Variants in SMCO2 observed in about 807,000 individuals in gnomAD.
SMCO2 encodes the protein single-pass membrane protein with coiled-coil domains 2, also known as single-pass membrane and coiled-coil domain-containing protein 2.
Under a neutral mutation model 29.5 loss-of-function variants are expected in SMCO2, and 25 were observed. The ratio of observed to expected loss-of-function variants is 0.85; its 90% CI spans 0.62 to 1.18. The LOEUF (loss-of-function observed/expected upper bound fraction) is 1.18, where lower values mean the gene tolerates loss of function less well. Ranked by LOEUF, SMCO2 falls within the 50% of genes most tolerant of loss-of-function variation. The probability of loss-of-function intolerance (pLI) is 0.00; values close to 1 mark genes in which losing one functional copy is unlikely to be tolerated. For synonymous variants in SMCO2, 117 were observed against 123.3 expected, an observed-to-expected ratio of 0.95 and a Z score of 0.34; for missense variants, 348 against 344.5, an observed-to-expected ratio of 1.01 and a Z score of -0.08.
chr12:27,425,289 G>A, the SMCO2 span: 2 of 151,236 alleles, frequency 1.3e-5, no homozygotes, highest in African/African-American at 4.9e-5. Context: ...TCCAAAAAGT[G>A]CTCCCTTAAC....
intron 7 of SMCO2, among the ~76,000 whole-genome samples, chr12:27,501,366 G>A (rs1943073072): frequency 7.1e-6 from 1 of 141,424 alleles, no homozygotes; most frequent in Non-Finnish European, 1.5e-5. Flanking sequence ...CAGTGAGCCG[G>A]GATAGCGCCA....
chr12:27,457,472 T>C, the SMCO2 span, among the ~76,000 whole-genome samples: 2 of 152,222 alleles, frequency 1.3e-5, no homozygotes, highest in Non-Finnish European at 1.5e-5. Flanking sequence ...ACGTGGTTGG[T>C]ATCATTACAT....
At chr12:27,454,683 G>A in the SMCO2 span, among the ~76,000 whole-genome samples, 3 of 152,106 alleles carry the variant, frequency 2.0e-5, no homozygotes, top group South Asian at 2.1e-4. Context: ...CCATCAACCC[G>A]TCATCTACAT....
chr12:27,485,586 G>GCA (rs1414990262), intron 4 of SMCO2, among the ~76,000 whole-genome samples: 1 of 151,600 alleles, frequency 6.6e-6, no homozygotes, highest in Non-Finnish European at 1.5e-5. Context: ...GGGATTATAG[G>GCA]CACGTGCCAC....
the SMCO2 span, among the ~76,000 whole-genome samples, chr12:27,439,299 C>A: frequency 6.6e-6 from 1 of 152,326 alleles, no homozygotes; most frequent in African/African-American, 2.4e-5. Flanking sequence ...GGGATAATCC[C>A]TTTGGGACCT....
chr12:27,436,580 G>A, the SMCO2 span, among the ~76,000 whole-genome samples: 1 of 152,106 alleles, frequency 6.6e-6, no homozygotes, highest in Non-Finnish European at 1.5e-5. Context: ...AAAGACTGAG[G>A]GAGGTCAGGG....
At chr12:27,452,394 C>T in the SMCO2 span, among the ~76,000 whole-genome samples, 1 of 152,172 alleles carries the variant, frequency 6.6e-6, no homozygotes, top group Non-Finnish European at 1.5e-5. Context: ...CCACATTCTA[C>T]CACATTTTAA....
At chr12:27,436,007 A>C in the SMCO2 span, among the ~76,000 whole-genome samples, 1 of 152,238 alleles carries the variant, frequency 6.6e-6, no homozygotes, top group African/African-American at 2.4e-5. Context: ...AGATACTCTC[A>C]GATTCAGTAT....
the SMCO2 span, among the ~76,000 whole-genome samples, chr12:27,450,324 G>C: frequency 6.6e-6 from 1 of 151,772 alleles, no homozygotes; most frequent in Non-Finnish European, 1.5e-5. Context: ...CACCAACTAG[G>C]CTGGGCTGCC....
chr12:27,435,723 C>G, the SMCO2 span, among the ~76,000 whole-genome samples: 2 of 152,152 alleles, frequency 1.3e-5, no homozygotes, highest in African/African-American at 4.8e-5. Context: ...ATTCCCACCT[C>G]TGGGTCAGTT....
At chr12:27,462,766 A>G, upstream of SMCO2, among the ~76,000 whole-genome samples, 1 of 152,082 alleles carries the variant, frequency 6.6e-6, no homozygotes, top group East Asian at 1.9e-4. Context: ...AATATTACAA[A>G]CCCCTCCAGG....
intron 4 of SMCO2, among the ~76,000 whole-genome samples, chr12:27,478,490 G>A (rs1949610274): frequency 1.3e-5 from 2 of 152,210 alleles, no homozygotes; most frequent in Non-Finnish European, 2.9e-5. Flanking sequence ...AGTGGCAATA[G>A]TAGCAGCAGG....
chr12:27,429,364 A>G, the SMCO2 span, among the ~76,000 whole-genome samples: 3 of 152,006 alleles, frequency 2.0e-5, no homozygotes, highest in African/African-American at 7.2e-5. Flanking sequence ...TTATATTCTA[A>G]TGACTTTTTT....
At chr12:27,488,363 A>G (rs1458565138) in intron 4 of SMCO2, 97 bp from the exon 6 acceptor site, 3 of 750,082 alleles carry the variant, frequency 4.0e-6, no homozygotes, top group Non-Finnish European at 5.9e-6. Flanking sequence ...ATCCTTTTAT[A>G]TGGGAATGGT....
the SMCO2 span, among the ~76,000 whole-genome samples, chr12:27,445,943 G>A: frequency 2.2e-3 from 322 of 149,110 alleles, no homozygotes; most frequent in African/African-American, 7.5e-3. Context: ...TTGCTCTGTC[G>A]CCCAGTCTGG....
chr12:27,464,529 T>C (rs550097896), upstream of SMCO2, among the ~76,000 whole-genome samples: 2 of 151,492 alleles, frequency 1.3e-5, no homozygotes, highest in Admixed American at 6.6e-5. Flanking sequence ...GGCAACATGG[T>C]GAGAACCTGT....
At chr12:27,436,367 G>T in the SMCO2 span, among the ~76,000 whole-genome samples, 2 of 152,168 alleles carry the variant, frequency 1.3e-5, no homozygotes, top group South Asian at 2.1e-4. Context: ...AATGGAAAGT[G>T]TAGGGGATGG....
the SMCO2 span, among the ~76,000 whole-genome samples, chr12:27,437,712 G>C: frequency 7.9e-5 from 12 of 152,304 alleles, no homozygotes; most frequent in East Asian, 2.3e-3. Flanking sequence ...CCATAAATCA[G>C]TTTCCTTTTC....
At chr12:27,436,605 C>T in the SMCO2 span, among the ~76,000 whole-genome samples, 3 of 151,962 alleles carry the variant, frequency 2.0e-5, no homozygotes, top group East Asian at 3.9e-4. Flanking sequence ...AATGAGCTTC[C>T]GGGTGCCTAG....
Sources: gnomAD v4.1 joint callset for allele counts (sites outside exome capture counted in the v4.1 genomes callset) on GRCh38, gnomAD v4.1.1 for gene constraint, MANE v1.5 for transcripts, NCBI Gene and HGNC (gene_info 2026-07-23, HGNC 2026-07-21) for gene names.